The following TSPAN5 variants were observed in gnomAD, a reference collection of about 807,000 sequenced individuals.
The protein encoded by TSPAN5 is tetraspanin-5.
Under a neutral mutation model 37.1 loss-of-function variants are expected in TSPAN5, and 10 were observed. The observed-to-expected ratio is 0.27, with a 90% CI of 0.17 to 0.46. The LOEUF (loss-of-function observed/expected upper bound fraction) is 0.46, where lower values mean the gene tolerates loss of function less well. Among genes scored for constraint, TSPAN5 ranks in the 20% least tolerant of loss-of-function variants. The probability of loss-of-function intolerance (pLI) is 1.00; values close to 1 mark genes in which losing one functional copy is unlikely to be tolerated. For missense variants in TSPAN5, 195 were observed against 326.6 expected, an observed-to-expected ratio of 0.60 and a Z score of 3.11; for synonymous variants, 110 against 118.9, an observed-to-expected ratio of 0.93 and a Z score of 0.48.
chr4:98,561,408 A>T (rs1318765832), intron 1 of TSPAN5, among the ~76,000 whole-genome samples: 1 of 152,222 alleles, frequency 6.6e-6, no homozygotes, highest in African/African-American at 2.4e-5. Context: ...ATATTAGCAG[A>T]TCTTTTTCCA....
intron 1 of TSPAN5, among the ~76,000 whole-genome samples, chr4:98,587,420 G>A (rs573927889): frequency 2.6e-5 from 4 of 152,262 alleles, no homozygotes; most frequent in Admixed American, 1.3e-4. Context: ...TTCCAAAGAA[G>A]CCTAATTATT....
At chr4:98,547,994 AGAGC>A (rs1754507406) in intron 1 of TSPAN5, among the ~76,000 whole-genome samples, 1 of 142,876 alleles carries the variant, frequency 7.0e-6, no homozygotes, top group Admixed American at 7.3e-5. Context: ...CCTGGGCGAC[AGAGC>A]GAGACTCTGT....
intron 1 of TSPAN5, among the ~76,000 whole-genome samples, chr4:98,548,842 A>C (rs1264542279): frequency 6.6e-6 from 1 of 151,962 alleles, no homozygotes; most frequent in Non-Finnish European, 1.5e-5. Context: ...TGTTGCTCCA[A>C]AAGACAAGAT....
At chr4:98,548,011 CAAAA>C (rs535093440) in intron 1 of TSPAN5, among the ~76,000 whole-genome samples, 52 of 89,324 alleles carry the variant, frequency 5.8e-4, no homozygotes, top group African/African-American at 1.8e-3. Context: ...GACTCTGTCT[CAAAA>C]AAAAAAAAAA....
chr4:98,621,338 A>T (rs1756474810), intron 1 of TSPAN5, among the ~76,000 whole-genome samples: 1 of 150,498 alleles, frequency 6.6e-6, no homozygotes, highest in Non-Finnish European at 1.5e-5. Context: ...ACTTCATTAC[A>T]GCAACCCTAG....
At position 98,519,988 on chromosome 4, in the gene TSPAN5, G is replaced by C. The variant is rs1007141863; in HGVS notation, c.82-12260C>G. 1.8e-4 allele frequency among the ~76,000 whole-genome samples: 27 copies of C among 152,198 alleles called. 1 individual carries two copies. The highest frequency in any genetic ancestry group is 6.5e-4 in the African/African-American group (27 of 41,454). On this transcript the variant is annotated intron_variant, in intron 1 of 7. Transcript: ENST00000305798. ...CATGTGCTCAAATAACGTGCTTAAA[G>C]TGTGTGGCACATGAAAAGGTGCCTG...
Position 98,658,259 on chromosome 4 carries a change from G to A in TSPAN5, c.-33C>T. ...GTTCATGAAGACACTTGCCCCGGCA[G>A]CCCGAGTTTGGAGCTCCGAAGCACC... is the stretch of plus-strand genomic sequence containing the variant. On this transcript the variant is annotated 5_prime_UTR_variant, in exon 1 of 8. Transcript: ENST00000305798. The A allele has an allele frequency of 1.3e-6, 2 of 1,586,664 alleles. No homozygotes were observed. Among genetic ancestry groups the A allele is most frequent in the East Asian group, 2.2e-5 (1 of 44,720 alleles).
chr4:98,533,284 C>A, intron 1 of TSPAN5, among the ~76,000 whole-genome samples: 1 of 151,952 alleles, frequency 6.6e-6, no homozygotes, highest in Non-Finnish European at 1.5e-5. Context: ...CTGTTTGTAC[C>A]TCTGGTAGAA....
chr4:98,528,074 A>AGGGTAAAGTGTTCCTCTGTCC (rs1371178277), intron 1 of TSPAN5, among the ~76,000 whole-genome samples: 1 of 152,198 alleles, frequency 6.6e-6, no homozygotes, highest in Non-Finnish European at 1.5e-5. Context: ...AGAGACCAGA[A>AGGGTAAAGTGTTCCTCTGTCC]GGGTAAAGTG....
rs137871726 is a variant in TSPAN5 at position 98,487,434 on chromosome 4, G to A, written c.133-550C>T. Among the ~76,000 whole-genome samples, 3 of 152,288 alleles carry A rather than the reference G, an allele frequency of 2.0e-5. No individual in the cohort carries two copies. In the East Asian group the frequency reaches 5.8e-4, roughly 29 times the overall value. ...CCAGAGAGGGGGGAGGTCATCTTCT[G>A]TAAGACCCAATTCACGCAGAAGTTA... On this transcript the variant is annotated intron_variant, in intron 2 of 7. Coordinates refer to ENST00000305798, the MANE Select transcript of TSPAN5 (RefSeq NM_005723.4).
At chr4:98,519,317 T>C (rs1249024411) in intron 1 of TSPAN5, among the ~76,000 whole-genome samples, 1 of 151,762 alleles carries the variant, frequency 6.6e-6, no homozygotes, top group Non-Finnish European at 1.5e-5. Flanking sequence ...ACAGTGAATA[T>C]AAAAAATAAA....
In TSPAN5 at chr4:98,620,647, G is replaced by A. The variant is rs1405150264; in HGVS notation, c.81+37499C>T. On this transcript the variant is annotated intron_variant, in intron 1 of 7. Transcript: ENST00000305798. ...TCCATGAAAGTAGCATTAGGGCTGC[G>A]ATCTGAAGGGTGAAAAGACCTCCAT... Among the ~76,000 whole-genome samples the A allele has an allele frequency of 2.9e-4, 44 of 152,326 alleles. 1 individual carries two copies. Among genetic ancestry groups the A allele is most frequent in the Admixed American group, 2.8e-3 (43 of 15,308 alleles).
chr4:98,585,811 T>G (rs1755473720), intron 1 of TSPAN5, among the ~76,000 whole-genome samples: 2 of 152,236 alleles, frequency 1.3e-5, no homozygotes, highest in Non-Finnish European at 2.9e-5. Context: ...CCCTTGGCAA[T>G]TTATTTCACC....
chr4:98,517,364 C>A (rs1339136103), intron 1 of TSPAN5, among the ~76,000 whole-genome samples: 1 of 152,034 alleles, frequency 6.6e-6, no homozygotes, highest in Non-Finnish European at 1.5e-5. Flanking sequence ...TGGCTAAAAT[C>A]CACAGAATGG....
intron 1 of TSPAN5, among the ~76,000 whole-genome samples, chr4:98,572,480 C>A (rs574185211): frequency 6.6e-6 from 1 of 152,162 alleles, no homozygotes; most frequent in African/African-American, 2.4e-5. Context: ...AGACTGAGAC[C>A]GCTACCTTCA....
chr4:98,604,771 TA>T (rs1490746536), intron 1 of TSPAN5, among the ~76,000 whole-genome samples: 1 of 152,202 alleles, frequency 6.6e-6, no homozygotes, highest in Non-Finnish European at 1.5e-5. Flanking sequence ...ACTGAGCACA[TA>T]CTACAGTCTC....
rs1560512083 is a variant in TSPAN5, at chr4:98,495,650, G to A, written c.133-8766C>T. On this transcript the variant is annotated intron_variant, in intron 2 of 7. Coordinates refer to ENST00000305798, the MANE Select transcript of TSPAN5 (RefSeq NM_005723.4). Reference sequence around the variant, plus strand: ...TCTTCCCCATGCTTCTGCAATAAAGGAATATGTTCTGAGTAACTATTTCTT... The same window carrying A: ...TCTTCCCCATGCTTCTGCAATAAAGAAATATGTTCTGAGTAACTATTTCTT... Among the ~76,000 whole-genome samples, 3 of 151,980 alleles carry A rather than the reference G, an allele frequency of 2.0e-5. No homozygotes were observed. In the South Asian group the frequency reaches 6.2e-4, roughly 32 times the overall value.
At chr4:98,511,281 T>C (rs1181091753) in intron 1 of TSPAN5, among the ~76,000 whole-genome samples, 1 of 152,186 alleles carries the variant, frequency 6.6e-6, no homozygotes, top group Non-Finnish European at 1.5e-5. Context: ...CAGCCACGTG[T>C]TGCTTAATAA....
At chr4:98,604,075 C>G (rs902247874) in intron 1 of TSPAN5, among the ~76,000 whole-genome samples, 1 of 151,768 alleles carries the variant, frequency 6.6e-6, no homozygotes, top group Non-Finnish European at 1.5e-5. Flanking sequence ...ACAGGCTGAA[C>G]TAGCATGAAA....
Sources: gnomAD v4.1 joint callset for allele counts (sites outside exome capture counted in the v4.1 genomes callset) on GRCh38, gnomAD v4.1.1 for gene constraint, MANE v1.5 for transcripts, NCBI Gene and HGNC (gene_info 2026-07-23, HGNC 2026-07-21) for gene names.